Variants in SOX5 observed in about 807,000 individuals in gnomAD.
SOX5 encodes the protein SRY-box transcription factor 5, also known as transcription factor SOX-5.
In SOX5, 9 loss-of-function variants were observed where a neutral mutation model predicts 92.0. The observed-to-expected ratio is 0.10, with a 90% confidence interval of 0.06 to 0.17. The LOEUF is 0.17. Ranked by LOEUF, SOX5 falls within the 10% of genes least tolerant of loss-of-function variation. SOX5 has a pLI of 1.00. For synonymous variants in SOX5, 344 were observed against 336.3 expected (o/e 1.02, Z -0.25); for missense variants, 642 against 944.5 (o/e 0.68, Z 4.20).
intron 4 of SOX5, among the ~76,000 whole-genome samples, chr12:24,053,780 T>C (rs988615668): frequency 6.6e-6 from 1 of 152,238 alleles, no homozygotes; most frequent in African/African-American, 2.4e-5. Flanking sequence ...CTATATTTCA[T>C]ATTTAATAGC....
chr12:23,648,218 A>G (rs2081121295), intron 7 of SOX5, among the ~76,000 whole-genome samples: 1 of 152,230 alleles, frequency 6.6e-6, no homozygotes, highest in Non-Finnish European at 1.5e-5. Flanking sequence ...AAGTGAGCAC[A>G]TGCTGTTGGA....
intron 3 of SOX5, among the ~76,000 whole-genome samples, chr12:23,839,940 A>C (rs988663799): frequency 4.0e-5 from 6 of 148,894 alleles, no homozygotes; most frequent in Non-Finnish European, 7.4e-5. Context: ...TCCTCTTACT[A>C]CTCTTACTTA....
At chr12:24,324,712 A>G (rs992295533) in intron 2 of SOX5, among the ~76,000 whole-genome samples, 2 of 152,024 alleles carry the variant, frequency 1.3e-5, no homozygotes, top group Non-Finnish European at 2.9e-5. Flanking sequence ...AACTTACCTA[A>G]CTTCCCTGAA....
chr12:23,821,162 A>G (rs2096107105), intron 3 of SOX5, among the ~76,000 whole-genome samples: 2 of 152,100 alleles, frequency 1.3e-5, no homozygotes, highest in Non-Finnish European at 2.9e-5. Context: ...TTGTATTCCT[A>G]GATATTTTAT....
At chr12:24,189,224 A>T (rs1956294271) in intron 4 of SOX5, among the ~76,000 whole-genome samples, 1 of 152,136 alleles carries the variant, frequency 6.6e-6, no homozygotes, top group Non-Finnish European at 1.5e-5. Flanking sequence ...CTGCCTCCTC[A>T]CTGGTGAAAT....
chr12:24,198,751 G>A (rs1957244838), intron 4 of SOX5, among the ~76,000 whole-genome samples: 1 of 152,148 alleles, frequency 6.6e-6, no homozygotes. Context: ...TTTGATTTAG[G>A]GAGAAGAAAG....
chr12:24,433,801 T>C (rs1337003830), intron 1 of SOX5, among the ~76,000 whole-genome samples: 4 of 152,014 alleles, frequency 2.6e-5, no homozygotes, highest in African/African-American at 7.3e-5. Context: ...GAGTTTGGGA[T>C]CGACAGGGAG....
intron 1 of SOX5, among the ~76,000 whole-genome samples, chr12:24,370,203 G>A (rs747489291): frequency 6.6e-6 from 1 of 152,086 alleles, no homozygotes; most frequent in Non-Finnish European, 1.5e-5. Context: ...GGCCGTGCGC[G>A]GTGGCTCACG....
intron 14 of SOX5, among the ~76,000 whole-genome samples, chr12:23,535,678 C>T (rs1031173857): frequency 2.6e-5 from 4 of 152,140 alleles, no homozygotes; most frequent in Non-Finnish European, 5.9e-5. Flanking sequence ...GAGCATGCAG[C>T]CTCTTCCAAG....
At chr12:23,811,570 A>G (rs78980471) in intron 3 of SOX5, among the ~76,000 whole-genome samples, 175 of 152,282 alleles carry the variant, frequency 1.1e-3, no homozygotes, top group African/African-American at 4.1e-3. Context: ...TAAAGAGATA[A>G]GACAATAATG....
chr12:23,695,438 T>G (rs1245866456), intron 6 of SOX5, among the ~76,000 whole-genome samples: 2 of 152,238 alleles, frequency 1.3e-5, no homozygotes, highest in Non-Finnish European at 2.9e-5. Flanking sequence ...TTCTAAGTTC[T>G]GTGTAGAAAT....
chr12:24,226,112 C>G (rs1212032016), intron 3 of SOX5, among the ~76,000 whole-genome samples: 2 of 152,104 alleles, frequency 1.3e-5, no homozygotes, highest in East Asian at 1.9e-4. Flanking sequence ...AAGTTAATAT[C>G]TAACATCTCA....
intron 3 of SOX5, among the ~76,000 whole-genome samples, chr12:24,215,766 C>A (rs1959119135): frequency 6.8e-6 from 1 of 147,678 alleles, no homozygotes; most frequent in Admixed American, 6.8e-5. Flanking sequence ...TTCATATGGA[C>A]ATACAAAAAG....
At chr12:24,506,782 G>GTTTTTTTTTTTTTTTTTT (rs1386116375) in intron 1 of SOX5, among the ~76,000 whole-genome samples, 29 of 80,276 alleles carry the variant, frequency 3.6e-4, no homozygotes, top group Middle Eastern at 7.5e-3. Flanking sequence ...TATCCAAATG[G>GTTTTTTTTTTTTTTTTTT]TCTTTTTTTT....
chr12:24,521,122 T>C (rs1483243569), intron 1 of SOX5, among the ~76,000 whole-genome samples: 2 of 152,202 alleles, frequency 1.3e-5, no homozygotes, highest in African/African-American at 2.4e-5. Flanking sequence ...TGGTGCAATC[T>C]TGGCTCACTG....
intron 9 of SOX5, among the ~76,000 whole-genome samples, chr12:23,600,552 T>TATATATACATAC (rs745640453): frequency 1.0e-5 from 1 of 95,240 alleles, no homozygotes; most frequent in African/African-American, 3.4e-5. Context: ...TATATATATA[T>TATATATACATAC]ACACATACTT....
intron 3 of SOX5, among the ~76,000 whole-genome samples, chr12:24,268,539 C>T (rs1271624598): frequency 6.6e-6 from 1 of 152,148 alleles, no homozygotes; most frequent in Admixed American, 6.5e-5. Context: ...AAAAATGTTA[C>T]ACCTTTCAGA....
At chr12:24,336,682 T>C (rs1410716341) in intron 2 of SOX5, among the ~76,000 whole-genome samples, 1 of 152,110 alleles carries the variant, frequency 6.6e-6, no homozygotes, top group Non-Finnish European at 1.5e-5. Flanking sequence ...TACCTAAATA[T>C]AGTGTGCTAA....
At chr12:24,065,258 T>C (rs756532944) in intron 4 of SOX5, among the ~76,000 whole-genome samples, 4 of 152,108 alleles carry the variant, frequency 2.6e-5, no homozygotes, top group Non-Finnish European at 4.4e-5. Flanking sequence ...CTCCTACTCC[T>C]CAAAGATGAG....
Sources: gnomAD v4.1 joint callset for allele counts (sites outside exome capture counted in the v4.1 genomes callset) on GRCh38, gnomAD v4.1.1 for gene constraint, MANE v1.5 for transcripts, NCBI Gene and HGNC (gene_info 2026-07-23, HGNC 2026-07-21) for gene names.